CHD7: variants seen among roughly 807,000 people sequenced by gnomAD.
CHD7 encodes chromodomain helicase DNA binding protein 7.
In CHD7, 24 loss-of-function variants were observed where a neutral mutation model predicts 307.3. The ratio of observed to expected loss-of-function variants is 0.08; its 90% CI spans 0.06 to 0.11. The LOEUF is 0.11. CHD7 is among the 10% of genes least tolerant of loss of function. The pLI is 1.00. For synonymous variants in CHD7, 1,363 were observed against 1,349.9 expected (o/e 1.01, Z -0.21); for missense variants, 3,106 against 3,727.1 (o/e 0.83, Z 4.34).
rs1007550507 is a variant in CHD7 at position 60,712,966 on chromosome 8, G to A, written c.-174-28293G>A. 4.8e-5 allele frequency among the ~76,000 whole-genome samples: 7 copies of A among 147,012 alleles called. No homozygotes were observed. The Admixed American group carries it at 4.8e-4, about 10-fold the overall frequency. ...CCTGGGGGGCTGAGACAGGAGAATC[G>A]CTTGAACCCTGGAGGGGGAGTTACG... On this transcript the variant is annotated intron_variant, in intron 1 of 37. Coordinates refer to ENST00000423902, the MANE Select transcript of CHD7 (RefSeq NM_017780.4).
chr8:60,727,089 C>T (rs1032471680), intron 1 of CHD7, among the ~76,000 whole-genome samples: 3 of 152,106 alleles, frequency 2.0e-5, no homozygotes, highest in Non-Finnish European at 4.4e-5. Context: ...TAATAGCTCT[C>T]TGAAATAAAT....
At chr8:60,753,218 C>G (rs77820521) in intron 2 of CHD7, among the ~76,000 whole-genome samples, 4,744 of 152,176 alleles carry the variant, frequency 0.031, 161 homozygotes, top group African/African-American at 0.079. Flanking sequence ...ATGTTTTTTT[C>G]TGTTCACTTT....
At chr8:60,708,233 G>T (rs1202613911) in intron 1 of CHD7, among the ~76,000 whole-genome samples, 1 of 152,102 alleles carries the variant, frequency 6.6e-6, no homozygotes, top group Non-Finnish European at 1.5e-5. Flanking sequence ...TTAAGTATGA[G>T]GTATTCGAAA....
intron 3 of CHD7, among the ~76,000 whole-genome samples, chr8:60,785,778 G>A (rs1203588891): frequency 7.9e-5 from 12 of 151,786 alleles, no homozygotes; most frequent in Non-Finnish European, 1.3e-4. Flanking sequence ...TTCCTGTCAG[G>A]TACATGGGTA....
At chr8:60,787,133 G>A (rs944325038) in intron 3 of CHD7, among the ~76,000 whole-genome samples, 2 of 151,990 alleles carry the variant, frequency 1.3e-5, no homozygotes, top group Non-Finnish European at 2.9e-5. Context: ...ATATAATTTT[G>A]TGGGAGTTTG....
intron 13 of CHD7, among the ~76,000 whole-genome samples, chr8:60,826,105 TA>T (rs1401085648): frequency 6.6e-6 from 1 of 152,162 alleles, no homozygotes; most frequent in Non-Finnish European, 1.5e-5. Flanking sequence ...GCAGTGTTCT[TA>T]AGCTTTTTCA....
chr8:60,832,599 G>C (rs187421539), intron 15 of CHD7, among the ~76,000 whole-genome samples: 33 of 152,264 alleles, frequency 2.2e-4, no homozygotes, highest in African/African-American at 6.5e-4. Context: ...TAGCCTCCAA[G>C]GGGAAAGAAA....
chr8:60,718,145 G>T (rs1027460374), intron 1 of CHD7, among the ~76,000 whole-genome samples: 4 of 152,118 alleles, frequency 2.6e-5, no homozygotes, highest in Non-Finnish European at 1.5e-5. Context: ...AACCTGTGTA[G>T]GTCTAGGCTA....
At position 60,741,672 on chromosome 8, in the gene CHD7, G is replaced by T. The variant is rs199675125; in HGVS notation, c.240G>T (p.Met80Ile). ...DHYNQYEQQK[M>I]HLMDQPNRMM... ...ATAATCAGTATGAACAACAAAAGAT[G>T]CATCTGATGGATCAGCCGAACAGAA... Residue 80 changes from methionine (M) to isoleucine (I), a missense_variant, in exon 2 of 38, where the codon ATG (methionine) becomes ATT (isoleucine). By Grantham distance (10) the Met-to-Ile change is conservative. Transcript: ENST00000423902. The T allele has an allele frequency of 1.2e-6, 2 of 1,613,978 alleles. No homozygotes were observed. Among genetic ancestry groups the T allele is most frequent in the South Asian group, 2.2e-5 (2 of 91,062 alleles).
chr8:60,865,723 G>A lies in CHD7; in HGVS notation c.8784G>A (p.Gln2928=), dbSNP rs762748004. ...GGTTCCCAGCATTGGCAGGACTTCAGAATGCCGTGGGCTCCAGCGAAGAAA... is the reference window on the plus strand; with the variant it reads ...GGTTCCCAGCATTGGCAGGACTTCAAAATGCCGTGGGCTCCAGCGAAGAAA... ...LPGFPALAGL[Q]NAVGSSEEKA... is the part of the protein sequence containing the mutation. Residue 2928 remains glutamine, a synonymous_variant, in exon 38 of 38, where the codon CAG becomes CAA. Transcript: ENST00000423902. The surrounding 1 kb of genome is among the most constrained non-coding windows in gnomAD (Gnocchi z 4.3). The A allele has an allele frequency of 1.9e-6, 3 of 1,610,070 alleles. No homozygotes were observed. The South Asian group carries it at 3.3e-5, about 18-fold the overall frequency.
intron 1 of CHD7, chr8:60,679,537 T>C (rs1209835707): frequency 6.8e-6 from 1 of 146,674 alleles, no homozygotes; most frequent in Non-Finnish European, 1.5e-5. Flanking sequence ...GCCGGCTCCA[T>C]TCGAGAGAAA....
intron 13 of CHD7, among the ~76,000 whole-genome samples, chr8:60,825,649 T>G (rs1454132585): frequency 6.6e-6 from 1 of 152,210 alleles, no homozygotes; most frequent in Non-Finnish European, 1.5e-5. Flanking sequence ...ACCTTCATAG[T>G]TTTCTACTAA....
chr8:60,687,565 A>G (rs1201940507), intron 1 of CHD7, among the ~76,000 whole-genome samples: 1 of 152,230 alleles, frequency 6.6e-6, no homozygotes, highest in African/African-American at 2.4e-5. Context: ...CTTGATTAAC[A>G]GTGTACCCCA....
intron 1 of CHD7, among the ~76,000 whole-genome samples, chr8:60,720,371 C>G (rs1389597523): frequency 6.6e-6 from 1 of 152,192 alleles, no homozygotes; most frequent in Non-Finnish European, 1.5e-5. Flanking sequence ...GGATTGGCCC[C>G]AGAAAGGCTG....
chr8:60,794,636 CAATTAAAAA>C (rs1811930466), intron 3 of CHD7, among the ~76,000 whole-genome samples: 1 of 151,778 alleles, frequency 6.6e-6, no homozygotes, highest in Admixed American at 6.6e-5. Flanking sequence ...TTTTTCATGA[CAATTAAAAA>C]AAAGTGTTCT....
At chr8:60,764,122 G>C (rs951438251) in intron 2 of CHD7, among the ~76,000 whole-genome samples, 1 of 152,078 alleles carries the variant, frequency 6.6e-6, no homozygotes, top group Non-Finnish European at 1.5e-5. Flanking sequence ...CGAGTAGCTG[G>C]TACTACAGGT....
chr8:60,686,773 A>C (rs1452841117), intron 1 of CHD7, among the ~76,000 whole-genome samples: 1 of 152,054 alleles, frequency 6.6e-6, no homozygotes, highest in East Asian at 1.9e-4. Context: ...AAACAGTCAG[A>C]TTTCTATACC....
chr8:60,794,683 ACTT>A (rs1375199002), intron 3 of CHD7, among the ~76,000 whole-genome samples: 1 of 152,182 alleles, frequency 6.6e-6, no homozygotes, highest in Non-Finnish European at 1.5e-5. Flanking sequence ...TAGCAAAACT[ACTT>A]CTTAATCTGA....
At chr8:60,757,772 A>G (rs1809968234) in intron 2 of CHD7, among the ~76,000 whole-genome samples, 1 of 152,248 alleles carries the variant, frequency 6.6e-6, no homozygotes, top group African/African-American at 2.4e-5. Context: ...CTTAGATACC[A>G]GAACTATTCT....
Sources: gnomAD v4.1 joint callset for allele counts (sites outside exome capture counted in the v4.1 genomes callset) on GRCh38, gnomAD v4.1.1 for gene constraint, Gnocchi (gnomAD v3.1) non-coding constraint, MANE v1.5 for transcripts, NCBI Gene and HGNC (gene_info 2026-07-23, HGNC 2026-07-21) for gene names.